The following RYR2 variants were observed in gnomAD, a reference collection of about 807,000 sequenced individuals.
The protein encoded by RYR2 is cardiac muscle ryanodine receptor-calcium release channel.
A neutral mutation model predicts 601.1 loss-of-function variants in RYR2; 227 were observed. The observed-to-expected ratio is 0.38, with a 90% CI of 0.34 to 0.42. The LOEUF (loss-of-function observed/expected upper bound fraction) is 0.42. RYR2 is among the 10% of genes least tolerant of loss of function. The pLI is 1.00. For missense variants in RYR2, 4,646 were observed against 6,156.5 expected (o/e 0.75, Z 8.21); for synonymous variants, 2,223 against 2,175.1 (o/e 1.02, Z -0.61).
At chr1:237,565,171 CTTTCTTTCTTTCTTT>C (rs1671885406) in intron 27 of RYR2, among the ~76,000 whole-genome samples, 6 of 30,904 alleles carry the variant, frequency 1.9e-4, no homozygotes, top group Non-Finnish European at 4.4e-4. Flanking sequence ...TTCTTTCTTT[CTTTCTTTCTTTCTTT>C]CTTTCTTTCT....
At chr1:237,584,228 G>A (rs945820956) in intron 29 of RYR2, among the ~76,000 whole-genome samples, 3 of 152,226 alleles carry the variant, frequency 2.0e-5, no homozygotes, top group African/African-American at 7.2e-5. Context: ...ATACTTGTGT[G>A]TGTTCTGCCT....
chr1:237,654,111 T>C (rs1573359830), intron 51 of RYR2, among the ~76,000 whole-genome samples, 163 bp from the exon 52 acceptor site: 1 of 152,172 alleles, frequency 6.6e-6, no homozygotes, highest in Admixed American at 6.5e-5. Flanking sequence ...TCACGTGTAG[T>C]ATACACGGTG....
rs147668624 is a variant in RYR2 at position 237,289,065 on chromosome 1, G to A, written c.168+18449G>A. 5.0e-3 allele frequency among the ~76,000 whole-genome samples: 754 copies of A among 152,270 alleles called. 6 individuals are homozygous for A. The highest frequency in any genetic ancestry group is 0.017 in the African/African-American group (717 of 41,560). ...AAGTTGTAAACTTTTCACGCAAACA[G>A]ACCTTCGGCTTCTCCAGTGGGGGTG... On this transcript the variant is annotated intron_variant, in intron 2 of 104. Coordinates refer to ENST00000366574, the MANE Select transcript of RYR2 (RefSeq NM_001035.3).
At chr1:237,448,886 G>A (rs1262418569) in intron 14 of RYR2, among the ~76,000 whole-genome samples, 1 of 149,820 alleles carries the variant, frequency 6.7e-6, no homozygotes, top group African/African-American at 2.5e-5. Flanking sequence ...TTTCTTTTAA[G>A]CAATAAGTAG....
intron 1 of RYR2, among the ~76,000 whole-genome samples, chr1:237,073,873 A>AG (rs1558187423): frequency 6.6e-6 from 1 of 151,696 alleles, no homozygotes; most frequent in African/African-American, 2.4e-5. Context: ...TCTTAAAAAA[A>AG]AAAAAAAAAA....
intron 1 of RYR2, among the ~76,000 whole-genome samples, chr1:237,163,277 C>T (rs992521804): frequency 6.6e-6 from 1 of 152,066 alleles, no homozygotes. Flanking sequence ...ATACCACATT[C>T]CCATCAATAG....
intron 27 of RYR2, among the ~76,000 whole-genome samples, chr1:237,563,839 G>T (rs1671703330): frequency 6.6e-6 from 1 of 152,204 alleles, no homozygotes; most frequent in East Asian, 1.9e-4. Flanking sequence ...TATTTGTGAA[G>T]TCTTGATATA....
intron 82 of RYR2, among the ~76,000 whole-genome samples, chr1:237,759,358 T>C (rs2149271422): frequency 6.6e-6 from 1 of 152,222 alleles, no homozygotes; most frequent in South Asian, 2.1e-4. Context: ...AGTGCTGGGA[T>C]TACGGGTGTG....
chr1:237,827,503 G>A (rs1055847032), intron 101 of RYR2, among the ~76,000 whole-genome samples: 6 of 151,830 alleles, frequency 4.0e-5, no homozygotes, highest in African/African-American at 7.3e-5. Context: ...GGTGGTGTGC[G>A]CCTGTAATCC....
At chr1:237,147,079 A>G (rs1390630792) in intron 1 of RYR2, among the ~76,000 whole-genome samples, 1 of 152,212 alleles carries the variant, frequency 6.6e-6, no homozygotes, top group African/African-American at 2.4e-5. Flanking sequence ...GACAATAGAT[A>G]TCTCATTATC....
At chr1:237,420,978 C>T (rs531443934) in intron 11 of RYR2, among the ~76,000 whole-genome samples, 2 of 152,186 alleles carry the variant, frequency 1.3e-5, no homozygotes, top group East Asian at 1.9e-4. Flanking sequence ...GGGTGGCTCA[C>T]GCCTGTAATC....
intron 1 of RYR2, among the ~76,000 whole-genome samples, chr1:237,152,407 T>C (rs906069414): frequency 3.3e-5 from 5 of 152,226 alleles, no homozygotes; most frequent in Admixed American, 3.3e-4. Context: ...TTTCTGGTTC[T>C]AGATCCTTGA....
intron 74 of RYR2, among the ~76,000 whole-genome samples, chr1:237,725,109 A>G (rs1342461989): frequency 6.6e-6 from 1 of 152,136 alleles, no homozygotes; most frequent in Non-Finnish European, 1.5e-5. Flanking sequence ...GTTAGGATAT[A>G]AAATGTGCTG....
intron 2 of RYR2, among the ~76,000 whole-genome samples, chr1:237,283,503 G>T (rs141567158): frequency 2.2e-4 from 33 of 152,272 alleles, no homozygotes; most frequent in African/African-American, 7.9e-4. Context: ...ACATAATACA[G>T]TTTTGAAGGA....
chr1:237,163,832 A>G (rs936312476), intron 1 of RYR2, among the ~76,000 whole-genome samples: 6 of 152,250 alleles, frequency 3.9e-5, no homozygotes, highest in Non-Finnish European at 7.3e-5. Flanking sequence ...ACAGATACAC[A>G]TGAAGGAGGT....
chr1:237,262,744 T>C (rs760236087), intron 1 of RYR2, among the ~76,000 whole-genome samples: 4 of 152,194 alleles, frequency 2.6e-5, no homozygotes, highest in Non-Finnish European at 5.9e-5. Flanking sequence ...AACCACAGGA[T>C]AAGATACATA....
intron 1 of RYR2, among the ~76,000 whole-genome samples, chr1:237,117,901 C>T (rs771851397): frequency 1.3e-4 from 20 of 152,196 alleles, no homozygotes; most frequent in Admixed American, 6.5e-5. Context: ...TGCACCACCA[C>T]GCCTCACTAA....
rs1392152062 is a variant in RYR2, at chr1:237,577,496, GTTTC to G, written c.3598+8179_3598+8182del. ...TTATAAGAAGGAAGTAGGAGTGTGT[GTTTC>G]TGTGTGTGTGTGTGTGTGTGTGTGT... On this transcript the variant is annotated intron_variant, in intron 29 of 104. Transcript: ENST00000366574. Among the ~76,000 whole-genome samples the G allele has an allele frequency of 4.5e-4, 63 of 141,412 alleles. No homozygotes were observed. The East Asian group carries it at 4.6e-3, about 10-fold the overall frequency. The allele number at this position is 141,412 out of a possible 152,430, so 92.8% of individuals were successfully genotyped here. A position where few individuals can be genotyped will look rare whatever the true frequency, so the allele number is the denominator to read the frequency against.
chr1:237,639,309 G>GATTTCTCC, intron 46 of RYR2, 108 bp downstream of exon 46: 1 of 1,070,446 alleles, frequency 9.3e-7, no homozygotes, highest in Non-Finnish European at 1.3e-6. Flanking sequence ...TGGTACAGAA[G>GATTTCTCC]ATTTCTCCCT....
Sources: gnomAD v4.1 joint callset for allele counts (sites outside exome capture counted in the v4.1 genomes callset) on GRCh38, gnomAD v4.1.1 for gene constraint, MANE v1.5 for transcripts, NCBI Gene and HGNC (gene_info 2026-07-23, HGNC 2026-07-21) for gene names.